MARCHF3: variants seen among roughly 807,000 people sequenced by gnomAD.
MARCHF3 encodes the protein membrane associated ring-CH-type finger 3.
MARCHF3 carries 13 observed loss-of-function variants against 24.2 expected under a neutral mutation model. The observed-to-expected ratio is 0.54, with a 90% CI of 0.35 to 0.85. MARCHF3 has a LOEUF of 0.85. MARCHF3 is among the 40% of genes least tolerant of loss of function. The pLI is 0.01. For synonymous variants in MARCHF3, 144 were observed against 137.3 expected (o/e 1.05, Z -0.34); for missense variants, 276 against 325.0 (o/e 0.85, Z 1.16).
chr5:126,914,848 A>G, intron 3 of MARCHF3, 82 bp downstream of exon 3: 1 of 1,395,704 alleles, frequency 7.2e-7, no homozygotes, highest in Non-Finnish European at 1.0e-6. Context: ...GTAAAGCTGT[A>G]CAGGGCTTGT....
intron 1 of MARCHF3, among the ~76,000 whole-genome samples, chr5:126,929,541 A>T (rs1193095529): frequency 6.6e-6 from 1 of 152,250 alleles, no homozygotes; most frequent in East Asian, 1.9e-4. Context: ...CTTTTGGAAC[A>T]AAGAATCAGT....
At chr5:126,971,710 C>T (rs2126829612) in intron 1 of MARCHF3, among the ~76,000 whole-genome samples, 1 of 152,274 alleles carries the variant, frequency 6.6e-6, no homozygotes, top group South Asian at 2.1e-4. Context: ...ATCTTAGTGT[C>T]CATATGTCCA....
At chr5:127,008,942 C>T (rs986092200) in intron 1 of MARCHF3, among the ~76,000 whole-genome samples, 4 of 150,824 alleles carry the variant, frequency 2.7e-5, no homozygotes, top group Admixed American at 6.6e-5. Context: ...TTTAACCTTG[C>T]AGCTTCAGCT....
intron 1 of MARCHF3, among the ~76,000 whole-genome samples, chr5:127,024,430 G>T (rs1752928795): frequency 6.6e-6 from 1 of 152,110 alleles, no homozygotes; most frequent in African/African-American, 2.4e-5. Context: ...TGCCTCAAGG[G>T]GCTCCAAGAG....
chr5:126,946,806 G>GTC (rs1197902172), intron 1 of MARCHF3, among the ~76,000 whole-genome samples: 1 of 150,592 alleles, frequency 6.6e-6, no homozygotes, highest in African/African-American at 2.5e-5. Context: ...GTCTGTGTGT[G>GTC]TGTGGTGGAG....
rs78137567 is a variant in MARCHF3, at chr5:127,027,375, C to T, written c.-57+2975G>A. On this transcript the variant is annotated intron_variant, in intron 1 of 4. Coordinates refer to ENST00000308660, the MANE Select transcript of MARCHF3 (RefSeq NM_178450.5). Reference sequence around the variant, plus strand: ...ATTGACCTCATATAGTCTGTAGTAGCCCAGCTGAGGTGCTGGGCTTTGTTC... The same window carrying T: ...ATTGACCTCATATAGTCTGTAGTAGTCCAGCTGAGGTGCTGGGCTTTGTTC... Among the ~76,000 whole-genome samples, 1,192 of 152,246 alleles carry T rather than the reference C, an allele frequency of 7.8e-3. 10 individuals are homozygous for T. The highest frequency in any genetic ancestry group is 0.028 in the African/African-American group (1,143 of 41,538).
chr5:126,964,767 T>C (rs1215244558), intron 1 of MARCHF3, among the ~76,000 whole-genome samples: 1 of 152,106 alleles, frequency 6.6e-6, no homozygotes, highest in African/African-American at 2.4e-5. Context: ...TGAAAAGAAG[T>C]AGGATGTTTC....
At chr5:126,895,776 C>G (rs1417533183) in intron 3 of MARCHF3, among the ~76,000 whole-genome samples, 1 of 152,184 alleles carries the variant, frequency 6.6e-6, no homozygotes, top group African/African-American at 2.4e-5. Context: ...TTTGTCTGTG[C>G]ACTGCCCCCA....
chr5:127,007,109 A>G (rs931528574), intron 1 of MARCHF3, among the ~76,000 whole-genome samples: 1 of 152,162 alleles, frequency 6.6e-6, no homozygotes, highest in African/African-American at 2.4e-5. Flanking sequence ...AGCAAGATAG[A>G]TCTAACATCT....
intron 3 of MARCHF3, among the ~76,000 whole-genome samples, chr5:126,883,493 C>T (rs1196953913): frequency 1.3e-5 from 2 of 152,122 alleles, no homozygotes; most frequent in Non-Finnish European, 2.9e-5. Flanking sequence ...AATAAACAAA[C>T]TAGAAACCCC....
rs2126794686 is a variant in MARCHF3 at position 126,918,009 on chromosome 5, C to T, written c.163G>A (p.Val55Ile). The T allele has an allele frequency of 6.2e-7, 1 of 1,614,134 alleles. No homozygotes were observed. The highest frequency in any genetic ancestry group is 8.5e-7 in the Non-Finnish European group (1 of 1,180,008). Residue 55 changes from valine (V) to isoleucine (I), a missense_variant, in exon 2 of 5, where the codon GTA (valine) becomes ATA (isoleucine). Val to Ile is a conservative substitution (Grantham distance 29, BLOSUM62 3). Transcript: ENST00000308660. ...SAKDGQLLST[V>I]VRTLATQSPF... Reference sequence around the variant, plus strand: ...CTCTGGGTGGCAAGAGTCCGCACTACTGTTGACAGCAGCTGCCCGTCCTTG... The same window carrying T: ...CTCTGGGTGGCAAGAGTCCGCACTATTGTTGACAGCAGCTGCCCGTCCTTG...
intron 1 of MARCHF3, among the ~76,000 whole-genome samples, chr5:126,925,346 T>C (rs1043752544): frequency 1.3e-5 from 2 of 152,226 alleles, no homozygotes; most frequent in East Asian, 1.9e-4. Context: ...CTCATCCACA[T>C]GATTAATTCT....
intron 1 of MARCHF3, among the ~76,000 whole-genome samples, chr5:127,026,280 T>C (rs1262887454): frequency 6.6e-6 from 1 of 152,080 alleles, no homozygotes; most frequent in Non-Finnish European, 1.5e-5. Context: ...GTCTATCCAA[T>C]CACACAGAAG....
chr5:126,902,143 C>T lies in MARCHF3; in HGVS notation c.393+12787G>A, dbSNP rs533531805. ...TGGTCCACATGTGCTTAAGGAAAAC[C>T]TGGCTGGATTTCCTCCCTATTTGAG... On this transcript the variant is annotated intron_variant, in intron 3 of 4. Transcript: ENST00000308660. Among the ~76,000 whole-genome samples, 13 of 152,204 alleles carry T rather than the reference C, an allele frequency of 8.5e-5. No homozygotes were observed. The South Asian group carries it at 2.5e-3, about 29-fold the overall frequency.
chr5:126,872,507 T>C (rs185679620), intron 4 of MARCHF3, among the ~76,000 whole-genome samples: 3 of 152,270 alleles, frequency 2.0e-5, no homozygotes, highest in Admixed American at 2.0e-4. Context: ...AAGGAGACCA[T>C]GAGCTTGGAG....
chr5:126,873,894 A>G (rs1342247325), intron 4 of MARCHF3, among the ~76,000 whole-genome samples: 1 of 152,250 alleles, frequency 6.6e-6, no homozygotes, highest in Non-Finnish European at 1.5e-5. Context: ...GGTTAATGCT[A>G]CTTCTCTAGA....
chr5:126,991,508 T>C lies in MARCHF3; in HGVS notation c.-57+38842A>G, dbSNP rs185719991. Among the ~76,000 whole-genome samples, 11 of 152,270 alleles carry C rather than the reference T, an allele frequency of 7.2e-5. No individual in the cohort carries two copies. The East Asian group carries it at 2.1e-3, about 29-fold the overall frequency. ...CACATGTATACCTATGTAACAAACC[T>C]GCACGTTGTGCACATGTACCCTAGA... On this transcript the variant is annotated intron_variant, in intron 1 of 4. Coordinates refer to ENST00000308660, the MANE Select transcript of MARCHF3 (RefSeq NM_178450.5).
chr5:126,883,475 G>C (rs1753406512), intron 3 of MARCHF3, among the ~76,000 whole-genome samples: 1 of 152,116 alleles, frequency 6.6e-6, no homozygotes. Flanking sequence ...TTGGAAATAA[G>C]TACAATAAAT....
chr5:127,020,943 T>A (rs1752786628), intron 1 of MARCHF3, among the ~76,000 whole-genome samples: 1 of 152,132 alleles, frequency 6.6e-6, no homozygotes. Flanking sequence ...CGTGAAGTTA[T>A]GGTGAAAAGG....
Sources: gnomAD v4.1 joint callset for allele counts (sites outside exome capture counted in the v4.1 genomes callset) on GRCh38, gnomAD v4.1.1 for gene constraint, MANE v1.5 for transcripts, NCBI Gene and HGNC (gene_info 2026-07-23, HGNC 2026-07-21) for gene names.